The following LRRC8B variants were observed in gnomAD, a reference collection of about 807,000 sequenced individuals.
LRRC8B encodes volume-regulated anion channel subunit LRRC8B.
LRRC8B carries 23 observed loss-of-function variants against 58.8 expected under a neutral mutation model. That is an observed-to-expected ratio of 0.39 (90% confidence interval 0.28 to 0.55). The LOEUF is 0.55. LRRC8B is among the 20% of genes least tolerant of loss of function. The pLI is 0.62. For synonymous variants in LRRC8B, 359 were observed against 374.1 expected (o/e 0.96, Z 0.47); for missense variants, 694 against 936.0 (o/e 0.74, Z 3.37).
At chr1:89,533,025 A>G (rs748814093) in intron 1 of LRRC8B, among the ~76,000 whole-genome samples, 1 of 152,112 alleles carries the variant, frequency 6.6e-6, no homozygotes, top group Non-Finnish European at 1.5e-5. Flanking sequence ...AGGTCCTTCT[A>G]TCAGTGCCCT....
intron 1 of LRRC8B, among the ~76,000 whole-genome samples, chr1:89,533,356 G>C (rs1650280540): frequency 6.6e-6 from 1 of 152,130 alleles, no homozygotes; most frequent in Non-Finnish European, 1.5e-5. Context: ...TGTGTCCCCA[G>C]TGCATGTCCC....
chr1:89,566,464 A>G (rs1021204768), intron 1 of LRRC8B, among the ~76,000 whole-genome samples: 1 of 152,226 alleles, frequency 6.6e-6, no homozygotes, highest in Non-Finnish European at 1.5e-5. Context: ...TGCCCGAGGC[A>G]GGGTGAATGA....
At chr1:89,569,450 C>T (rs1370451158) in intron 3 of LRRC8B, among the ~76,000 whole-genome samples, 1 of 152,108 alleles carries the variant, frequency 6.6e-6, no homozygotes, top group African/African-American at 2.4e-5. Flanking sequence ...AAACTTTCAG[C>T]CCTTGCCTCC....
chr1:89,575,628 T>C (rs12118131), intron 3 of LRRC8B, among the ~76,000 whole-genome samples: 78,145 of 152,078 alleles, frequency 0.51, 20,364 homozygotes, highest in South Asian at 0.57. Context: ...TCTTGCCTCT[T>C]CCTAGGAAAG....
At chr1:89,589,312 C>G (rs1402418596) in intron 5 of LRRC8B, among the ~76,000 whole-genome samples, 1 of 152,184 alleles carries the variant, frequency 6.6e-6, no homozygotes, top group Non-Finnish European at 1.5e-5. Context: ...TATTCTTCTA[C>G]TGTGTCTCCT....
intron 1 of LRRC8B, among the ~76,000 whole-genome samples, chr1:89,534,247 C>T (rs1413621185): frequency 6.6e-6 from 1 of 152,092 alleles, no homozygotes; most frequent in African/African-American, 2.4e-5. Flanking sequence ...TGAATAGTTG[C>T]AGACAGTCAC....
chr1:89,555,729 C>T (rs535316173), intron 1 of LRRC8B, among the ~76,000 whole-genome samples: 16 of 152,312 alleles, frequency 1.1e-4, no homozygotes, highest in South Asian at 2.1e-4. Flanking sequence ...GTGACTTAAA[C>T]GACTGCCTTG....
At chr1:89,569,648 T>A (rs1653299531) in intron 3 of LRRC8B, among the ~76,000 whole-genome samples, 1 of 152,116 alleles carries the variant, frequency 6.6e-6, no homozygotes, top group Non-Finnish European at 1.5e-5. Context: ...GATTTCATTA[T>A]TTTTTATGGC....
chr1:89,572,506 A>G (rs1434897584), intron 3 of LRRC8B: 1 of 152,120 alleles, frequency 6.6e-6, no homozygotes, highest in African/African-American at 2.4e-5. Flanking sequence ...CAGTCTTTTT[A>G]TATAATCCCA....
chr1:89,536,365 G>A (rs1650530964), intron 1 of LRRC8B, among the ~76,000 whole-genome samples: 2 of 152,160 alleles, frequency 1.3e-5, no homozygotes, highest in Admixed American at 1.3e-4. Context: ...TTTCACAGGT[G>A]TATTATTTTA....
intron 1 of LRRC8B, among the ~76,000 whole-genome samples, chr1:89,560,102 C>T (rs182163565): frequency 2.6e-3 from 393 of 152,272 alleles, no homozygotes; most frequent in Non-Finnish European, 4.5e-3. Context: ...AATTAGATTA[C>T]GTGAGATGAC....
intron 1 of LRRC8B, among the ~76,000 whole-genome samples, chr1:89,556,428 G>A (rs578204070): frequency 1.2e-4 from 19 of 152,252 alleles, no homozygotes; most frequent in African/African-American, 4.6e-4. Flanking sequence ...TTTGAAGAGA[G>A]CGTTATGGGA....
intron 5 of LRRC8B, among the ~76,000 whole-genome samples, chr1:89,591,898 C>T (rs774848641): frequency 6.6e-6 from 1 of 152,070 alleles, no homozygotes; most frequent in East Asian, 1.9e-4. Flanking sequence ...GGGTAGGGAG[C>T]GGTGGTATGT....
intron 1 of LRRC8B, among the ~76,000 whole-genome samples, chr1:89,545,633 C>A (rs778516071): frequency 6.6e-6 from 1 of 152,202 alleles, no homozygotes. Flanking sequence ...TCCTTTGGTT[C>A]TTTCCCTGTT....
chr1:89,578,380 T>G (rs1267980970), intron 3 of LRRC8B, among the ~76,000 whole-genome samples: 4 of 152,172 alleles, frequency 2.6e-5, no homozygotes, highest in African/African-American at 9.6e-5. Flanking sequence ...ATAAATGCAG[T>G]CATGTGATAT....
chr1:89,584,038 T>C lies in LRRC8B; in HGVS notation c.1388T>C (p.Val463Ala), dbSNP rs375217090. ...VKLPSAVSQL[V>A]NLKELRVYHS... ...CTGCCCTCTGCAGTCTCACAGCTGGTCAACCTCAAGGAGCTTCGTGTGTAC... is the reference window on the plus strand; with the variant it reads ...CTGCCCTCTGCAGTCTCACAGCTGGCCAACCTCAAGGAGCTTCGTGTGTAC... The change falls in exon 5 of 6, where the codon GTC (valine) becomes GCC (alanine). Residue 463 changes from valine (V) to alanine (A), a missense_variant. Physicochemically the swap from Val to Ala is moderately conservative, Grantham distance 64. Around this residue, in one of 5 missense-constraint regions of LRRC8B, gnomAD observed 162 missense variants for 198.5 expected, o/e 0.82. Coordinates refer to ENST00000330947, the MANE Select transcript of LRRC8B (RefSeq NM_001369817.2). 1 of 1,614,054 alleles carries C rather than the reference T, an allele frequency of 6.2e-7. No individual in the cohort carries two copies. Among genetic ancestry groups the C allele is most frequent in the Non-Finnish European group, 8.5e-7 (1 of 1,180,038 alleles).
chr1:89,531,535 TC>T lies in LRRC8B; in HGVS notation c.-241+6514del, dbSNP rs1570549988. Reference sequence around the variant, plus strand: ...GAGGAGGCCTGGCTAGCAAAGGTGGTCTTGTTATCTAGATGATCCTCTCTGG... The same window carrying T: ...GAGGAGGCCTGGCTAGCAAAGGTGGTTTGTTATCTAGATGATCCTCTCTGG... On this transcript the variant is annotated intron_variant, in intron 1 of 5. Transcript: ENST00000330947. Among the ~76,000 whole-genome samples the T allele has an allele frequency of 2.6e-5, 4 of 152,144 alleles. No individual in the cohort carries two copies. The East Asian group carries it at 7.7e-4, about 29-fold the overall frequency.
At chr1:89,531,121 C>A (rs182432280) in intron 1 of LRRC8B, among the ~76,000 whole-genome samples, 2 of 152,114 alleles carry the variant, frequency 1.3e-5, no homozygotes, top group Admixed American at 1.3e-4. Context: ...ATTTTAAGTT[C>A]ATTTCTTTTA....
At chr1:89,525,897 T>TAAC (rs1649658116) in intron 1 of LRRC8B, among the ~76,000 whole-genome samples, 1 of 152,174 alleles carries the variant, frequency 6.6e-6, no homozygotes, top group South Asian at 2.1e-4. Flanking sequence ...TGGTAAAAGA[T>TAAC]AACAGTATGA....
Sources: allele counts gnomAD v4.1 joint callset (sites outside exome capture counted in the v4.1 genomes callset), GRCh38; gene constraint gnomAD v4.1.1; regional missense constraint gnomAD v4.1.1; transcripts MANE v1.5; gene names NCBI Gene and HGNC (gene_info 2026-07-23, HGNC 2026-07-21).